UHRF2: variants seen among roughly 807,000 people sequenced by gnomAD.
UHRF2 encodes ubiquitin like with PHD and ring finger domains 2.
A neutral mutation model predicts 96.8 loss-of-function variants in UHRF2; 23 were observed. That is an observed-to-expected ratio of 0.24 (90% CI 0.17 to 0.34). The LOEUF is 0.34. UHRF2 is among the 10% of genes least tolerant of loss of function. The pLI, the probability that UHRF2 is intolerant of heterozygous loss-of-function variation, is 1.00. For synonymous variants in UHRF2, 385 were observed against 332.6 expected (o/e 1.16, Z -1.72); for missense variants, 685 against 981.5 (o/e 0.70, Z 4.04).
At chr9:6,492,832 C>CTTTTTT (rs34371545) in intron 9 of UHRF2, 51 of 89,458 alleles carry the variant, frequency 5.7e-4, no homozygotes, top group East Asian at 1.8e-3. Context: ...GAGCTTTTGG[C>CTTTTTT]TTTTTTTTTT....
intron 8 of UHRF2, among the ~76,000 whole-genome samples, chr9:6,486,389 C>G (rs1014926588): frequency 6.6e-6 from 1 of 152,186 alleles, no homozygotes; most frequent in Non-Finnish European, 1.5e-5. Context: ...GCTAAAATAA[C>G]TCCTGCATTT....
Position 6,477,748 on chromosome 9 carries a change from T to C in UHRF2, c.1100T>C (p.Val367Ala). ...CAGCTTCTGTGTGATGAATGTAATG[T>C]GGCTTATCATATTTACTGTCTGAAT... The part of the protein sequence containing the change: ...NMQLLCDECN[V>A]AYHIYCLNPP... The change falls in exon 6 of 16, where the codon GTG (valine) becomes GCG (alanine). Residue 367 changes from valine (V) to alanine (A), a missense_variant. Transcript: ENST00000276893. 1 of 1,614,058 alleles carries C rather than the reference T, an allele frequency of 6.2e-7. No individual in the cohort carries two copies. The highest frequency in any genetic ancestry group is 8.5e-7 in the Non-Finnish European group (1 of 1,179,932).
chr9:6,423,295 C>G (rs999632557), intron 2 of UHRF2, among the ~76,000 whole-genome samples: 3 of 152,072 alleles, frequency 2.0e-5, no homozygotes, highest in African/African-American at 7.2e-5. Context: ...AGTTGACCTA[C>G]AACATAAAGA....
intron 9 of UHRF2, among the ~76,000 whole-genome samples, chr9:6,489,257 T>C (rs568332990): frequency 8.9e-4 from 136 of 152,368 alleles, no homozygotes; most frequent in Middle Eastern, 3.4e-3. Context: ...TTTCTTTTTA[T>C]TGATGAGTAC....
chr9:6,425,199 T>C (rs1349830942), intron 2 of UHRF2, among the ~76,000 whole-genome samples: 1 of 152,190 alleles, frequency 6.6e-6, no homozygotes, highest in African/African-American at 2.4e-5. Flanking sequence ...TATTTAAAAT[T>C]ACTCAACATG....
At chr9:6,442,229 G>C (rs1441243970) in intron 3 of UHRF2, among the ~76,000 whole-genome samples, 1 of 152,092 alleles carries the variant, frequency 6.6e-6, no homozygotes, top group Non-Finnish European at 1.5e-5. Flanking sequence ...CTCCCAAAGT[G>C]CTGGGATTAC....
chr9:6,413,786 C>G, intron 1 of UHRF2, 143 bp downstream of exon 1: 1 of 1,084,206 alleles, frequency 9.2e-7, no homozygotes, highest in Non-Finnish European at 1.2e-6. Flanking sequence ...CCGCGAGGCG[C>G]GGGGTGCGGG....
intron 9 of UHRF2, among the ~76,000 whole-genome samples, chr9:6,491,981 C>G (rs1824687302): frequency 6.6e-6 from 1 of 152,240 alleles, no homozygotes. Flanking sequence ...AGGCCAACTG[C>G]TTTGGCCTCC....
chr9:6,430,848 G>C (rs1010716056), intron 2 of UHRF2, among the ~76,000 whole-genome samples: 4 of 152,100 alleles, frequency 2.6e-5, no homozygotes, highest in African/African-American at 9.7e-5. Context: ...CCCTTCTCTT[G>C]GGGAATGAGT....
At chr9:6,499,739 T>C (rs1825167471) in intron 12 of UHRF2, 96 bp from the exon 13 acceptor site, 1 of 681,090 alleles carries the variant, frequency 1.5e-6, no homozygotes, top group South Asian at 2.6e-5. Flanking sequence ...GAACGTGTAG[T>C]CTTCCCCTCC....
intron 3 of UHRF2, among the ~76,000 whole-genome samples, chr9:6,442,979 C>T (rs1414215573): frequency 6.6e-6 from 1 of 152,018 alleles, no homozygotes; most frequent in East Asian, 1.9e-4. Flanking sequence ...TCCTTTATTG[C>T]TTTATTTAAC....
At chr9:6,474,274 G>A (rs1411696692) in intron 4 of UHRF2, among the ~76,000 whole-genome samples, 2 of 152,144 alleles carry the variant, frequency 1.3e-5, no homozygotes, top group Non-Finnish European at 2.9e-5. Context: ...AAAGGTGGAA[G>A]GATGGAAAAA....
At position 6,431,400 on chromosome 9, in the gene UHRF2, G is replaced by A. The variant is rs1267785420; in HGVS notation, c.385-2514G>A. On this transcript the variant is annotated intron_variant, in intron 2 of 15. Transcript: ENST00000276893. ...AGGAAAGAGGATTGTTTGAGGCCAG[G>A]AGTTCAAAACCAGCCTGGGCAACAT... is the stretch of plus-strand genomic sequence containing the variant. Among the ~76,000 whole-genome samples, 68 of 152,056 alleles carry A rather than the reference G, an allele frequency of 4.5e-4. 2 individuals are homozygous for A. The highest frequency in any genetic ancestry group is 4.5e-3 in the Admixed American group (68 of 15,264).
intron 3 of UHRF2, among the ~76,000 whole-genome samples, chr9:6,456,901 T>A (rs911593207): frequency 6.6e-6 from 1 of 152,208 alleles, no homozygotes; most frequent in Non-Finnish European, 1.5e-5. Flanking sequence ...CATGTCTGTT[T>A]TGGTTACTGT....
chr9:6,434,844 G>T (rs1037047265), intron 3 of UHRF2, among the ~76,000 whole-genome samples: 1 of 151,958 alleles, frequency 6.6e-6, no homozygotes, highest in African/African-American at 2.4e-5. Context: ...ATGTTTTGGG[G>T]GGTGGGGACC....
At chr9:6,419,421 A>T (rs1819796073) in intron 1 of UHRF2, among the ~76,000 whole-genome samples, 1 of 152,206 alleles carries the variant, frequency 6.6e-6, no homozygotes, top group Non-Finnish European at 1.5e-5. Context: ...ACTTCAGGCA[A>T]GTGGAGTAAC....
intron 14 of UHRF2, 180 bp from the exon 15 acceptor site, chr9:6,504,413 A>G: frequency 2.4e-6 from 1 of 417,600 alleles, no homozygotes; most frequent in Non-Finnish European, 4.3e-6. Context: ...AAATTTTGAT[A>G]TGTTCATATA....
rs1337239122 is a variant in UHRF2, at chr9:6,421,101, G to C, written c.343G>C (p.Ala115Pro). Residue 115 changes from alanine (A) to proline (P), a missense_variant, in exon 2 of 16, where the codon GCT becomes CCT. Ala to Pro is a conservative substitution (Grantham distance 27, BLOSUM62 -1). This residue lies in a region of UHRF2 where 391 missense variants were observed against 437.0 expected (regional missense o/e 0.89). Coordinates refer to ENST00000276893, the MANE Select transcript of UHRF2 (RefSeq NM_152896.3). ...ACCTTCCAATCAGCCATCTACATCA[G>C]CTCGTGCCCGTCTTATTGATCCTGG... is the stretch of plus-strand genomic sequence containing the variant. ...VGPSNQPSTS[A>P]RARLIDPGFG... is the part of the protein sequence containing the mutation. 2.5e-6 allele frequency: 4 copies of C among 1,614,044 alleles called. No homozygotes were observed. The highest frequency in any genetic ancestry group is 4.5e-5 in the East Asian group (2 of 44,870).
chr9:6,468,632 A>T (rs1241799402), intron 4 of UHRF2: 1 of 456,090 alleles, frequency 2.2e-6, no homozygotes, highest in African/African-American at 2.0e-5. Flanking sequence ...GGATGCCTCA[A>T]GCATATGGCC....
Sources: allele counts gnomAD v4.1 joint callset (sites outside exome capture counted in the v4.1 genomes callset), GRCh38; gene constraint gnomAD v4.1.1; regional missense constraint gnomAD v4.1.1; transcripts MANE v1.5; gene names NCBI Gene and HGNC (gene_info 2026-07-23, HGNC 2026-07-21).